Variants in PTER observed in about 807,000 individuals in gnomAD.
PTER encodes the protein N-acetyltaurine hydrolase.
In PTER, 38 loss-of-function variants were observed where a neutral mutation model predicts 29.6. The observed-to-expected ratio is 1.28, with a 90% CI of 0.99 to 1.68. PTER has a LOEUF of 1.68. Ranked by LOEUF, PTER falls within the 40% of genes most tolerant of loss-of-function variation. PTER has a pLI of 0.00. For synonymous variants in PTER, 172 were observed against 154.5 expected (o/e 1.11, Z -0.84); for missense variants, 482 against 427.8 (o/e 1.13, Z -1.12).
intron 1 of PTER, among the ~76,000 whole-genome samples, chr10:16,451,142 G>A (rs1834194580): frequency 6.6e-6 from 1 of 152,086 alleles, no homozygotes; most frequent in Non-Finnish European, 1.5e-5. Flanking sequence ...AATGTTTGAG[G>A]GTAGAAAGCC....
At position 16,512,730 on chromosome 10, in the gene PTER, A is replaced by T. The variant is rs948994427; in HGVS notation, c.*1474A>T. On this transcript the variant is annotated 3_prime_UTR_variant, in exon 5 of 5. Transcript: ENST00000535784. ...ATTCCTTTAAATAAATAAAAAAAAA[A>T]AATGCAAATGTCCTTCACCAGTAAA... The T allele has an allele frequency of 3.3e-5, 5 of 152,292 alleles. No individual in the cohort carries two copies. Among genetic ancestry groups the T allele is most frequent in the African/African-American group, 1.2e-4 (5 of 41,450 alleles). The allele number at this position is 152,292 out of a possible 1,614,324, so 9.4% of individuals were successfully genotyped here.
intron 1 of PTER, among the ~76,000 whole-genome samples, chr10:16,439,184 GT>G (rs1297011480): frequency 1.3e-5 from 2 of 152,142 alleles, no homozygotes; most frequent in African/African-American, 2.4e-5. Flanking sequence ...TTGGAGGTCA[GT>G]AGCGGAGTAT....
chr10:16,447,203 C>T (rs527750103), intron 1 of PTER, among the ~76,000 whole-genome samples: 4 of 149,160 alleles, frequency 2.7e-5, no homozygotes, highest in East Asian at 3.9e-4. Context: ...TGGGCTCAAG[C>T]GATCCTCCCA....
chr10:16,450,524 C>G (rs1281633713), intron 1 of PTER, among the ~76,000 whole-genome samples: 1 of 152,224 alleles, frequency 6.6e-6, no homozygotes, highest in Non-Finnish European at 1.5e-5. Context: ...GGGTCCCATT[C>G]TTTTCCAGTC....
chr10:16,474,776 A>G (rs527737879), intron 1 of PTER, among the ~76,000 whole-genome samples: 1 of 152,062 alleles, frequency 6.6e-6, no homozygotes, highest in Non-Finnish European at 1.5e-5. Flanking sequence ...AATCCCAGCT[A>G]CTCAGGAGGC....
At chr10:16,461,499 G>A (rs1182640750) in intron 1 of PTER, among the ~76,000 whole-genome samples, 1 of 152,188 alleles carries the variant, frequency 6.6e-6, no homozygotes, top group African/African-American at 2.4e-5. Context: ...GACACATGTA[G>A]TCATTACAGA....
At chr10:16,473,085 T>C (rs1162937824) in intron 1 of PTER, among the ~76,000 whole-genome samples, 2 of 152,098 alleles carry the variant, frequency 1.3e-5, no homozygotes, top group African/African-American at 4.8e-5. Flanking sequence ...CTTTATTCAC[T>C]TTGGAATAAA....
At chr10:16,478,987 CA>C (rs1300457290) in intron 1 of PTER, among the ~76,000 whole-genome samples, 2 of 152,052 alleles carry the variant, frequency 1.3e-5, no homozygotes, top group Non-Finnish European at 2.9e-5. Flanking sequence ...GGCCTTTTCC[CA>C]GCACTGTCAC....
downstream of PTER, among the ~76,000 whole-genome samples, chr10:16,516,726 C>A (rs2133538294): frequency 6.6e-6 from 1 of 152,298 alleles, no homozygotes; most frequent in South Asian, 2.1e-4. Context: ...GGTGTAACCA[C>A]AAAACCGAGT....
At chr10:16,510,180 G>C (rs540699304) in intron 4 of PTER, among the ~76,000 whole-genome samples, 1 of 152,148 alleles carries the variant, frequency 6.6e-6, no homozygotes, top group African/African-American at 2.4e-5. Flanking sequence ...TGGAAGTCAC[G>C]ACAGACACTG....
intron 3 of PTER, among the ~76,000 whole-genome samples, chr10:16,492,413 G>A (rs1835931760): frequency 6.6e-6 from 1 of 152,140 alleles, no homozygotes; most frequent in Non-Finnish European, 1.5e-5. Flanking sequence ...CAGGTGACGT[G>A]TAATGATAGC....
At chr10:16,511,023 T>A in intron 4 of PTER, 23 bp from the exon 5 acceptor site, 1 of 1,593,080 alleles carries the variant, frequency 6.3e-7, no homozygotes, top group South Asian at 1.1e-5. Context: ...AAATGACATC[T>A]AATGAGTTAA....
rs559816128 is a variant in PTER at position 16,490,458 on chromosome 10, C to T, written c.698+3841C>T. Among the ~76,000 whole-genome samples the T allele has an allele frequency of 4.6e-5, 7 of 152,126 alleles. No homozygotes were observed. The South Asian group carries it at 6.2e-4, about 14-fold the overall frequency. On this transcript the variant is annotated intron_variant, in intron 3 of 4. Transcript: ENST00000535784. ...TATGTCTCCAGTCTGATCTCCTACT[C>T]AGTTCAAGCCCAAGCTCTGTCTTAC...
intron 1 of PTER, among the ~76,000 whole-genome samples, chr10:16,455,499 T>C (rs1180095675): frequency 1.3e-5 from 2 of 152,158 alleles, no homozygotes; most frequent in Non-Finnish European, 1.5e-5. Context: ...GAGACCAGCC[T>C]GGGCAACATA....
chr10:16,514,750 C>T (rs1836922288), downstream of PTER: 1 of 1,493,458 alleles, frequency 6.7e-7, no homozygotes, highest in Non-Finnish European at 9.1e-7. Context: ...AATGAGAATT[C>T]TCAAGTTTTC....
At chr10:16,482,350 C>T (rs1178648866) in intron 1 of PTER, among the ~76,000 whole-genome samples, 1 of 152,162 alleles carries the variant, frequency 6.6e-6, no homozygotes, top group African/African-American at 2.4e-5. Flanking sequence ...TCCCCCAAAT[C>T]ATCTCCCCTC....
At chr10:16,467,705 G>C (rs1236306880) in intron 1 of PTER, among the ~76,000 whole-genome samples, 3 of 152,076 alleles carry the variant, frequency 2.0e-5, no homozygotes, top group Non-Finnish European at 4.4e-5. Context: ...CTAGCTACTC[G>C]GGAGGCTGAC....
intron 4 of PTER, among the ~76,000 whole-genome samples, chr10:16,506,530 T>C (rs1357546952): frequency 6.6e-6 from 1 of 152,136 alleles, no homozygotes; most frequent in Non-Finnish European, 1.5e-5. Context: ...ATGTTGACTT[T>C]AAAAACTCTG....
At chr10:16,495,112 A>C (rs1318774833) in intron 3 of PTER, among the ~76,000 whole-genome samples, 1 of 151,642 alleles carries the variant, frequency 6.6e-6, no homozygotes, top group African/African-American at 2.4e-5. Context: ...ACAAATATTC[A>C]TTGGTTCTAA....
Sources: allele counts gnomAD v4.1 joint callset (sites outside exome capture counted in the v4.1 genomes callset), GRCh38; gene constraint gnomAD v4.1.1; transcripts MANE v1.5; gene names NCBI Gene and HGNC (gene_info 2026-07-23, HGNC 2026-07-21).